The following HECTD4 variants were observed in gnomAD, a reference collection of about 807,000 sequenced individuals.
HECTD4 encodes HECT domain E3 ubiquitin protein ligase 4.
A neutral mutation model predicts 471.5 loss-of-function variants in HECTD4; 114 were observed. The observed-to-expected ratio is 0.24, with a 90% confidence interval of 0.21 to 0.28. The LOEUF (loss-of-function observed/expected upper bound fraction) is 0.28, where lower values mean the gene tolerates loss of function less well. Ranked by LOEUF, HECTD4 falls within the 10% of genes least tolerant of loss-of-function variation. HECTD4 has a pLI of 1.00. For missense variants in HECTD4, 3,866 were observed against 5,651.5 expected (o/e 0.68, Z 10.13); for synonymous variants, 2,012 against 2,256.0 (o/e 0.89, Z 3.07).
chr12:112,247,409 G>T, intron 28 of HECTD4, 53 bp downstream of exon 28: 2 of 814,176 alleles, frequency 2.5e-6, no homozygotes, highest in Non-Finnish European at 1.9e-6. Context: ...CCTTTACAGT[G>T]TGTTTTGAGC....
In HECTD4 at chr12:112,258,561, A is replaced by G. The variant is rs1809313139; in HGVS notation, c.3063T>C (p.Phe1021=). ...CACACGGGGAACAGCCCACCTCAGC[A>G]AAAACCGGACACTGGGTTTTAAGCA... is the stretch of plus-strand genomic sequence containing the variant. ...ALLLKTQCPV[F]AEVGCSPCGA... The change falls in exon 20 of 76, where the codon TTT becomes TTC. Residue 1021 remains phenylalanine (F), a synonymous_variant. Transcript: ENST00000682272. 4 of 1,606,794 alleles carry G rather than the reference A, an allele frequency of 2.5e-6. No homozygotes were observed. Among genetic ancestry groups the G allele is most frequent in the Non-Finnish European group, 3.4e-6 (4 of 1,177,146 alleles).
chr12:112,164,402 T>C, intron 72 of HECTD4, 127 bp from the exon 73 acceptor site: 1 of 965,224 alleles, frequency 1.0e-6, no homozygotes, highest in Non-Finnish European at 1.5e-6. Context: ...GATGAGCATG[T>C]GACACAGCTT....
intron 8 of HECTD4, among the ~76,000 whole-genome samples, chr12:112,281,503 G>T (rs913494731): frequency 6.6e-6 from 1 of 151,990 alleles, no homozygotes; most frequent in African/African-American, 2.4e-5. Flanking sequence ...CCCAGATCAG[G>T]CCTTCAGCTT....
chr12:112,175,906 A>G (rs764970448), intron 65 of HECTD4, 47 bp from the exon 66 acceptor site: 5 of 1,605,200 alleles, frequency 3.1e-6, no homozygotes, highest in Middle Eastern at 2.1e-4. Flanking sequence ...ACCTGCGCAC[A>G]TCGCGCGCCT....
rs545473904 is a variant in HECTD4 at position 112,191,287 on chromosome 12, A to T, written c.9293-322T>A. Among the ~76,000 whole-genome samples the T allele has an allele frequency of 6.6e-5, 10 of 152,366 alleles. No individual in the cohort carries two copies. In the South Asian group the frequency reaches 1.7e-3, roughly 25 times the overall value. The stretch of plus-strand genomic sequence containing the variant: ...GAATGGGGAAAGTAAGTAACACTTT[A>T]AAAGATGCCTCACTGGGATATTCCC... On this transcript the variant is annotated intron_variant, in intron 59 of 75. Transcript: ENST00000682272.
chr12:112,369,110 T>C (rs999763817), intron 1 of HECTD4, among the ~76,000 whole-genome samples: 7 of 152,156 alleles, frequency 4.6e-5, no homozygotes, highest in Admixed American at 3.9e-4. Flanking sequence ...ACATGGTCTC[T>C]GTATTAACCG....
At chr12:112,167,697 G>T in intron 71 of HECTD4, 117 bp downstream of exon 71, 1 of 1,091,348 alleles carries the variant, frequency 9.2e-7, no homozygotes, top group Non-Finnish European at 1.4e-6. Context: ...TGTCCCCACA[G>T]ATTGGGAGGG....
chr12:112,303,982 T>C (rs2035221174), intron 7 of HECTD4, among the ~76,000 whole-genome samples: 1 of 151,866 alleles, frequency 6.6e-6, no homozygotes, highest in Admixed American at 6.6e-5. Flanking sequence ...CTGGCGTTCA[T>C]AAATCAAGAA....
intron 39 of HECTD4, chr12:112,231,099 G>C: frequency 2.1e-6 from 1 of 465,684 alleles, no homozygotes; most frequent in South Asian, 3.2e-5. Context: ...AACTATTCCT[G>C]GCTTTCAAGC....
intron 1 of HECTD4, among the ~76,000 whole-genome samples, chr12:112,320,478 T>C (rs2035561992): frequency 6.6e-6 from 1 of 151,692 alleles, no homozygotes; most frequent in Non-Finnish European, 1.5e-5. Context: ...GGCGGGCAGA[T>C]CATGAAGTCA....
At chr12:112,298,386 T>C (rs1263657112) in intron 7 of HECTD4, among the ~76,000 whole-genome samples, 2 of 152,190 alleles carry the variant, frequency 1.3e-5, no homozygotes, top group Admixed American at 6.5e-5. Context: ...CACAGTGTTC[T>C]GAGCTTAGCT....
At chr12:112,245,175 A>G (rs555301755) in intron 29 of HECTD4, among the ~76,000 whole-genome samples, 161 of 151,924 alleles carry the variant, frequency 1.1e-3, no homozygotes, top group Non-Finnish European at 2.0e-3. Context: ...GCTAATTTTT[A>G]TATTTTTTTG....
chr12:112,168,946 C>A (rs1188979743), intron 70 of HECTD4, among the ~76,000 whole-genome samples: 1 of 152,174 alleles, frequency 6.6e-6, no homozygotes, highest in Admixed American at 6.5e-5. Flanking sequence ...GGGGGCAGAT[C>A]AGAGGAAAGG....
In HECTD4 at chr12:112,190,891, C is replaced by T. The variant is rs768639167; in HGVS notation, c.9367G>A (p.Ala3123Thr). ...PLEFPLAMAFAEQLLSWKSED... is the reference protein window; with the variant it reads ...PLEFPLAMAFTEQLLSWKSED... Reference sequence around the variant, plus strand: ...GATTTCCAGGACAGCAGCTGCTCTGCGAAGGCCATAGCCAGTGGGAACTCC... The same window carrying T: ...GATTTCCAGGACAGCAGCTGCTCTGTGAAGGCCATAGCCAGTGGGAACTCC... The change falls in exon 60 of 76, where the codon GCA (alanine) becomes ACA (threonine). Residue 3123 changes from alanine to threonine, a missense_variant. Around this residue, in one of 16 missense-constraint regions of HECTD4, gnomAD observed 364 missense variants for 413.2 expected, o/e 0.88. Transcript: ENST00000682272. 8.9e-6 allele frequency: 14 copies of T among 1,575,030 alleles called. No individual in the cohort carries two copies. The highest frequency in any genetic ancestry group is 1.7e-4 in the Middle Eastern group (1 of 6,020).
intron 72 of HECTD4, 98 bp downstream of exon 72, chr12:112,167,219 C>G (rs569962740): frequency 9.0e-7 from 1 of 1,109,868 alleles, no homozygotes; most frequent in Non-Finnish European, 1.3e-6. Context: ...GATCCCAACC[C>G]AGCCTCAGCG....
intron 39 of HECTD4, 170 bp downstream of exon 39, chr12:112,231,343 T>C (rs1012491286): frequency 1.6e-6 from 1 of 629,132 alleles, no homozygotes; most frequent in African/African-American, 1.8e-5. Flanking sequence ...TGGATGGTCA[T>C]TACTCCCCGA....
At chr12:112,246,768 ATTTCCTTTTGT>A in intron 29 of HECTD4, 122 bp downstream of exon 29, 5 of 710,216 alleles carry the variant, frequency 7.0e-6, no homozygotes, top group Non-Finnish European at 1.0e-5. Context: ...ATATGTTAAA[ATTTCCTTTTGT>A]TTTCCTTTCT....
chr12:112,267,583 C>T (rs1306022046), intron 13 of HECTD4, among the ~76,000 whole-genome samples: 1 of 152,084 alleles, frequency 6.6e-6, no homozygotes, highest in Non-Finnish European at 1.5e-5. Context: ...CTGTGAATTA[C>T]CCAAATGATA....
chr12:112,224,906 T>C (rs2033192240), intron 44 of HECTD4, among the ~76,000 whole-genome samples: 1 of 152,210 alleles, frequency 6.6e-6, no homozygotes, highest in Non-Finnish European at 1.5e-5. Context: ...TGTTATATGC[T>C]GCTATAATCA....
Sources: gnomAD v4.1 joint callset for allele counts (sites outside exome capture counted in the v4.1 genomes callset) on GRCh38, gnomAD v4.1.1 for gene constraint, gnomAD v4.1.1 regional missense constraint, MANE v1.5 for transcripts, NCBI Gene and HGNC (gene_info 2026-07-23, HGNC 2026-07-21) for gene names.